Variants in BRINP1 observed in about 807,000 individuals in gnomAD.
The protein encoded by BRINP1 is BMP/retinoic acid-inducible neural-specific protein 1.
A neutral mutation model predicts 72.9 loss-of-function variants in BRINP1; 17 were observed. That is an observed-to-expected ratio of 0.23 (90% CI 0.16 to 0.35). The LOEUF (loss-of-function observed/expected upper bound fraction) is 0.35. BRINP1 is among the 10% of genes least tolerant of loss of function. The pLI, the probability that BRINP1 is intolerant of heterozygous loss-of-function variation, is 1.00. For synonymous variants in BRINP1, 418 were observed against 378.5 expected, an observed-to-expected ratio of 1.10 and a Z score of -1.21; for missense variants, 850 against 1,001.6, an observed-to-expected ratio of 0.85 and a Z score of 2.04.
chr9:119,262,067 T>G (rs1276712776), intron 2 of BRINP1, among the ~76,000 whole-genome samples: 2 of 152,212 alleles, frequency 1.3e-5, no homozygotes, highest in Admixed American at 1.3e-4. Context: ...TTTGCATGAA[T>G]ACTCACAAGC....
chr9:119,362,023 G>A (rs946954904), intron 1 of BRINP1, among the ~76,000 whole-genome samples: 18 of 151,528 alleles, frequency 1.2e-4, no homozygotes, highest in African/African-American at 2.9e-4. Context: ...GGCTGGTCTC[G>A]AACTCCTGAC....
chr9:119,262,251 A>G (rs1045316570), intron 2 of BRINP1, among the ~76,000 whole-genome samples: 2 of 152,164 alleles, frequency 1.3e-5, no homozygotes, highest in East Asian at 1.9e-4. Context: ...ACCCAAGTCT[A>G]TGAATTTATA....
intron 2 of BRINP1, among the ~76,000 whole-genome samples, chr9:119,306,128 C>T (rs967688283): frequency 3.9e-5 from 6 of 152,208 alleles, no homozygotes; most frequent in South Asian, 2.1e-4. Flanking sequence ...AGACACTGCT[C>T]GTGACAAAAG....
intron 2 of BRINP1, among the ~76,000 whole-genome samples, chr9:119,253,798 A>G (rs1258635608): frequency 6.6e-6 from 1 of 152,164 alleles, no homozygotes; most frequent in Admixed American, 6.5e-5. Flanking sequence ...TACATAAATG[A>G]TAAGAGCTAA....
At chr9:119,175,512 G>A (rs986055901) in intron 7 of BRINP1, among the ~76,000 whole-genome samples, 2 of 151,834 alleles carry the variant, frequency 1.3e-5, no homozygotes, top group Admixed American at 6.6e-5. Flanking sequence ...CCAAAACTTA[G>A]AGTATAATAA....
intron 1 of BRINP1, among the ~76,000 whole-genome samples, chr9:119,342,679 C>A (rs553606034): frequency 1.3e-5 from 2 of 152,274 alleles, no homozygotes; most frequent in Admixed American, 1.3e-4. Context: ...AAGACTACCC[C>A]GTGAATGAGA....
intron 2 of BRINP1, among the ~76,000 whole-genome samples, chr9:119,296,739 C>G (rs1247998601): frequency 1.3e-5 from 2 of 152,084 alleles, no homozygotes; most frequent in Non-Finnish European, 2.9e-5. Flanking sequence ...GGACATTATG[C>G]TAAATGAAAT....
intron 5 of BRINP1, among the ~76,000 whole-genome samples, chr9:119,228,133 C>T (rs569402993): frequency 2.0e-5 from 3 of 151,850 alleles, no homozygotes; most frequent in African/African-American, 4.8e-5. Context: ...CCCTCTACCC[C>T]CTTCTTCACT....
intron 1 of BRINP1, among the ~76,000 whole-genome samples, chr9:119,367,042 T>C (rs889397778): frequency 2.0e-5 from 3 of 151,500 alleles, no homozygotes; most frequent in Middle Eastern, 3.2e-3. Flanking sequence ...CTGAAGGAGA[T>C]TCTCTGTGGC....
chr9:119,321,811 T>C (rs1021521237), intron 1 of BRINP1, among the ~76,000 whole-genome samples: 3 of 152,240 alleles, frequency 2.0e-5, no homozygotes, highest in African/African-American at 7.2e-5. Context: ...TGGAATATTA[T>C]GATCTGGGAA....
chr9:119,333,948 T>G (rs1831325120), intron 1 of BRINP1, among the ~76,000 whole-genome samples: 1 of 152,200 alleles, frequency 6.6e-6, no homozygotes, highest in African/African-American at 2.4e-5. Context: ...GCTTGTGTTT[T>G]GCAGATTAAG....
chr9:119,183,646 A>G (rs141975979), intron 7 of BRINP1, among the ~76,000 whole-genome samples: 8 of 152,238 alleles, frequency 5.3e-5, no homozygotes, highest in African/African-American at 1.7e-4. Flanking sequence ...ATATTTACCA[A>G]AAAGATTGTC....
At chr9:119,337,372 T>C (rs1367474387) in intron 1 of BRINP1, among the ~76,000 whole-genome samples, 5 of 152,202 alleles carry the variant, frequency 3.3e-5, no homozygotes, top group Non-Finnish European at 7.4e-5. Context: ...CACGTAGGAA[T>C]GAGATCTTTA....
intron 7 of BRINP1, among the ~76,000 whole-genome samples, chr9:119,177,170 A>G (rs1246990288): frequency 6.6e-6 from 1 of 152,162 alleles, no homozygotes; most frequent in Admixed American, 6.5e-5. Flanking sequence ...TTTTCATTTA[A>G]AAAAGGAAAA....
rs944231091 is a variant in BRINP1 at position 119,241,304 on chromosome 9, C to T, written c.579+743G>A. ...TACTACTGGACGGTGCTGGTGTAGG[C>T]GAGCCTAGATCAGCAAACCACAGAG... On this transcript the variant is annotated intron_variant, in intron 4 of 7. Coordinates refer to ENST00000265922, the MANE Select transcript of BRINP1 (RefSeq NM_014618.3). Among the ~76,000 whole-genome samples the T allele has an allele frequency of 3.3e-5, 5 of 152,016 alleles. No homozygotes were observed. The South Asian group carries it at 6.2e-4, about 19-fold the overall frequency.
At chr9:119,288,941 C>CT (rs1830795534) in intron 2 of BRINP1, among the ~76,000 whole-genome samples, 1 of 152,190 alleles carries the variant, frequency 6.6e-6, no homozygotes. Flanking sequence ...GCTGGGATTA[C>CT]AGGCATGTGC....
At chr9:119,174,065 T>C (rs1173755436) in intron 7 of BRINP1, among the ~76,000 whole-genome samples, 1 of 137,258 alleles carries the variant, frequency 7.3e-6, no homozygotes, top group Non-Finnish European at 1.5e-5. Context: ...GGCAAGGACT[T>C]CATGTCTAAA....
chr9:119,192,596 G>C (rs1483049515), intron 7 of BRINP1, among the ~76,000 whole-genome samples: 1 of 151,970 alleles, frequency 6.6e-6, no homozygotes, highest in Non-Finnish European at 1.5e-5. Flanking sequence ...ACAAGAGATA[G>C]CAAATGTTGG....
At chr9:119,176,187 A>T (rs1388982198) in intron 7 of BRINP1, among the ~76,000 whole-genome samples, 1 of 152,176 alleles carries the variant, frequency 6.6e-6, no homozygotes, top group East Asian at 1.9e-4. Context: ...TCAAACAAAC[A>T]ATCAGAGTAG....
Sources: allele counts gnomAD v4.1 joint callset (sites outside exome capture counted in the v4.1 genomes callset), GRCh38; gene constraint gnomAD v4.1.1; transcripts MANE v1.5; gene names NCBI Gene and HGNC (gene_info 2026-07-23, HGNC 2026-07-21).